KTN1: variants seen among roughly 807,000 people sequenced by gnomAD.
KTN1 encodes the protein kinectin 1, also known as kinectin.
KTN1 carries 130 observed loss-of-function variants against 222.5 expected under a neutral mutation model. The ratio of observed to expected loss-of-function variants is 0.58; its 90% CI spans 0.51 to 0.68. The LOEUF (loss-of-function observed/expected upper bound fraction) is 0.68, where lower values mean the gene tolerates loss of function less well. KTN1 is among the 30% of genes least tolerant of loss of function. The pLI, the probability that KTN1 is intolerant of heterozygous loss-of-function variation, is 0.00. For missense variants in KTN1, 1,508 were observed against 1,500.4 expected (o/e 1.01, Z -0.08); for synonymous variants, 512 against 496.3 (o/e 1.03, Z -0.42).
At chr14:55,614,838 A>G (rs908046108) in intron 2 of KTN1, among the ~76,000 whole-genome samples, 1 of 152,180 alleles carries the variant, frequency 6.6e-6, no homozygotes, top group Admixed American at 6.5e-5. Context: ...GGTTGGTAGC[A>G]CTAAAATAGG....
chr14:55,648,092 G>T lies in KTN1; in HGVS notation c.2275G>T (p.Ala759Ser), dbSNP rs775587633. The change falls in exon 20 of 44, where the codon GCA becomes TCA. Residue 759 changes from alanine to serine, a missense_variant. Ala to Ser is a moderately conservative substitution (Grantham distance 99). Coordinates refer to ENST00000395314, the MANE Select transcript of KTN1 (RefSeq NM_001079521.2). Reference sequence around the variant, plus strand: ...ACTTGAAACTGGACTTATTCAGGTGGCAACTAAAGAAGAGGAGCTGAATGT... The same window carrying T: ...ACTTGAAACTGGACTTATTCAGGTGTCAACTAAAGAAGAGGAGCTGAATGT... ...ELLETGLIQVATKEEELNAIR... is the reference protein window; with the variant it reads ...ELLETGLIQVSTKEEELNAIR... 2 of 1,563,862 alleles carry T rather than the reference G, an allele frequency of 1.3e-6. No homozygotes were observed. The highest frequency in any genetic ancestry group is 1.9e-5 in the Admixed American group (1 of 52,908).
chr14:55,650,782 T>C (rs2042861695), intron 24 of KTN1, 145 bp downstream of exon 24: 1 of 545,824 alleles, frequency 1.8e-6, no homozygotes, highest in Non-Finnish European at 3.2e-6. Context: ...TTTTGCCTGA[T>C]TTGAGAAAGT....
At chr14:55,607,021 G>A (rs2036829585) in intron 1 of KTN1, among the ~76,000 whole-genome samples, 2 of 152,158 alleles carry the variant, frequency 1.3e-5, no homozygotes, top group African/African-American at 2.4e-5. Context: ...ACAGTGTGGT[G>A]TGTCTTGTAT....
chr14:55,594,396 T>G (rs911135136), intron 1 of KTN1, among the ~76,000 whole-genome samples: 1 of 152,176 alleles, frequency 6.6e-6, no homozygotes, highest in African/African-American at 2.4e-5. Flanking sequence ...GTTAGACTCT[T>G]TAAGCATTGA....
rs201776660 is a variant in KTN1 at position 55,640,416 on chromosome 14, A to G, written c.1957A>G (p.Lys653Glu). The change falls in exon 15 of 44, where the codon AAA becomes GAA. Residue 653 changes from lysine to glutamate, a missense_variant. By Grantham distance (56) the Lys-to-Glu change is moderately conservative (BLOSUM62 1). Coordinates refer to ENST00000395314, the MANE Select transcript of KTN1 (RefSeq NM_001079521.2). ...TTTCTTATTAAAAGCTGAAGTGCAGAAATTACAGGCCCTGGCAAATGAGCA... is the reference window on the plus strand; with the variant it reads ...TTTCTTATTAAAAGCTGAAGTGCAGGAATTACAGGCCCTGGCAAATGAGCA... ...MNFLLKAEVQKLQALANEQAA... is the reference protein window; with the variant it reads ...MNFLLKAEVQELQALANEQAA... The G allele has an allele frequency of 3.4e-5, 54 of 1,608,626 alleles. No individual in the cohort carries two copies. The East Asian group carries it at 8.3e-4, about 25-fold the overall frequency.
intron 6 of KTN1, 34 bp from the exon 7 acceptor site, chr14:55,629,923 A>T: frequency 7.2e-7 from 1 of 1,386,150 alleles, no homozygotes; most frequent in Non-Finnish European, 1.0e-6. Flanking sequence ...CTTATTAAAT[A>T]ACAAGTTTTT....
At position 55,616,587 on chromosome 14, in the gene KTN1, A is replaced by G. The variant is rs2038426959; in HGVS notation, c.594A>G (p.Gln198=). 4.3e-6 allele frequency: 7 copies of G among 1,609,212 alleles called. No individual in the cohort carries two copies. Among genetic ancestry groups the G allele is most frequent in the Non-Finnish European group, 5.1e-6 (6 of 1,178,574 alleles). ...SKRQEALPLH[Q]ETKQESGSGK... is the part of the protein sequence containing the mutation. ...GGCAAGAAGCATTGCCCCTCCACCA[A>G]GAGACTAAACAAGAAAGTGGATCAG... Residue 198 remains glutamine, a synonymous_variant, in exon 3 of 44, where the codon CAA becomes CAG. Transcript: ENST00000395314.
At chr14:55,675,532 C>T (rs1042302661) in intron 40 of KTN1, 1 of 217,928 alleles carries the variant, frequency 4.6e-6, no homozygotes, top group Non-Finnish European at 9.1e-6. Context: ...GAAATAATTT[C>T]AGTGACTGTT....
At chr14:55,637,915 G>C (rs2041328016) in intron 12 of KTN1, 68 bp downstream of exon 12, 1 of 1,172,072 alleles carries the variant, frequency 8.5e-7, no homozygotes, top group Non-Finnish European at 1.3e-6. Context: ...CTGAATGTCT[G>C]TTGAGTGCCA....
chr14:55,646,442 T>TTTCCTTTCC (rs71131299), intron 18 of KTN1, among the ~76,000 whole-genome samples: 4,840 of 71,420 alleles, frequency 0.068, 305 homozygotes, highest in East Asian at 0.11. Context: ...TTTCCTTTCC[T>TTTCCTTTCC]TTTCCTTTTC....
intron 3 of KTN1, 64 bp downstream of exon 3, chr14:55,616,718 C>G (rs1271921256): frequency 1.5e-6 from 2 of 1,351,768 alleles, no homozygotes; most frequent in African/African-American, 1.5e-5. Context: ...GCACAAGGAC[C>G]CTGGAATCTC....
chr14:55,586,837 G>A (rs539653194), intron 1 of KTN1, among the ~76,000 whole-genome samples: 8 of 152,148 alleles, frequency 5.3e-5, no homozygotes, highest in East Asian at 3.9e-4. Flanking sequence ...ATAGAATGTC[G>A]TCCTTTTGTT....
chr14:55,642,103 G>T (rs2041864573), intron 18 of KTN1, among the ~76,000 whole-genome samples: 2 of 152,174 alleles, frequency 1.3e-5, no homozygotes, highest in Admixed American at 6.5e-5. Flanking sequence ...TGTCTTTAAA[G>T]GTTGAAACTT....
intron 1 of KTN1, chr14:55,607,293 A>G (rs2036867838): frequency 6.6e-6 from 1 of 152,192 alleles, no homozygotes; most frequent in South Asian, 2.1e-4. Context: ...ACGTACTCTG[A>G]CGAAACACGA....
chr14:55,651,008 A>C (rs1473233263), intron 24 of KTN1, among the ~76,000 whole-genome samples: 3 of 152,026 alleles, frequency 2.0e-5, no homozygotes, highest in Non-Finnish European at 4.4e-5. Flanking sequence ...TCTGCCTTAG[A>C]ACAAAGTACA....
chr14:55,668,858 A>G (rs933018977), intron 34 of KTN1: 4 of 152,092 alleles, frequency 2.6e-5, no homozygotes, highest in African/African-American at 4.8e-5. Context: ...TATAGCCTAC[A>G]TTTATTTCAA....
chr14:55,659,444 A>G (rs1418483393), intron 30 of KTN1, among the ~76,000 whole-genome samples: 12 of 152,152 alleles, frequency 7.9e-5, no homozygotes, highest in Admixed American at 7.9e-4. Context: ...GAAGAGTTCA[A>G]GTACGTTGCG....
At position 55,612,565 on chromosome 14, in the gene KTN1, G is replaced by T; in HGVS notation, c.517G>T (p.Gly173Ter). Residue 173 changes from glycine to a stop codon, truncating the protein, a stop_gained, in exon 2 of 44, where the codon GGA (glycine) becomes TGA (stop). Transcript: ENST00000395314. LOFTEE classifies it high-confidence loss of function. Reference protein sequence around the residue: ...KKPGQKKSKNGSDDQDKKVET... With the variant: ...KKPGQKKSKN ...ACCAGGGCAGAAGAAGTCTAAAAAT[G>T]GAAGCGGTATTGTAATCTATTTAAT... 6.3e-7 allele frequency: 1 copy of T among 1,578,174 alleles called. No homozygotes were observed. The highest frequency in any genetic ancestry group is 8.5e-7 in the Non-Finnish European group (1 of 1,169,696).
At chr14:55,610,555 T>A (rs1456419777) in intron 1 of KTN1, among the ~76,000 whole-genome samples, 1 of 152,218 alleles carries the variant, frequency 6.6e-6, no homozygotes, top group East Asian at 1.9e-4. Flanking sequence ...ATATCAAGAC[T>A]CTCCAAATTG....
Sources: allele counts gnomAD v4.1 joint callset (sites outside exome capture counted in the v4.1 genomes callset), GRCh38; gene constraint gnomAD v4.1.1; transcripts MANE v1.5; gene names NCBI Gene and HGNC (gene_info 2026-07-23, HGNC 2026-07-21).